Variants in TMEM131 observed in about 807,000 individuals in gnomAD.
TMEM131 encodes the protein 2610524E03Rik.
In TMEM131, 66 loss-of-function variants were observed where a neutral mutation model predicts 211.6. That is an observed-to-expected ratio of 0.31 (90% CI 0.26 to 0.38). The LOEUF is 0.38. Among genes scored for constraint, TMEM131 ranks in the 10% least tolerant of loss-of-function variants. The probability of loss-of-function intolerance (pLI) is 1.00; values close to 1 mark genes in which losing one functional copy is unlikely to be tolerated. For synonymous variants in TMEM131, 844 were observed against 841.3 expected (o/e 1.00, Z -0.06); for missense variants, 2,036 against 2,299.3 (o/e 0.89, Z 2.34).
At chr2:97,840,493 G>A (rs1683146761) in intron 7 of TMEM131, among the ~76,000 whole-genome samples, 1 of 152,224 alleles carries the variant, frequency 6.6e-6, no homozygotes, top group Non-Finnish European at 1.5e-5. Context: ...GGGAAGCTAA[G>A]GCAGGAGGAT....
chr2:97,958,244 T>C (rs1002165943), intron 1 of TMEM131, among the ~76,000 whole-genome samples: 2 of 152,184 alleles, frequency 1.3e-5, no homozygotes, highest in African/African-American at 2.4e-5. Context: ...TTGTGTGCTA[T>C]TTTTCCCATT....
chr2:97,938,810 G>C (rs2104481456), intron 1 of TMEM131, among the ~76,000 whole-genome samples: 1 of 152,312 alleles, frequency 6.6e-6, no homozygotes, highest in East Asian at 1.9e-4. Context: ...TAAAAGAATA[G>C]AAATTATAAC....
chr2:97,983,503 A>C (rs1204759703), intron 1 of TMEM131, among the ~76,000 whole-genome samples: 2 of 152,214 alleles, frequency 1.3e-5, no homozygotes, highest in African/African-American at 4.8e-5. Flanking sequence ...TGCTCAATTA[A>C]TTTAAAAACA....
At chr2:97,908,789 T>C in intron 2 of TMEM131, 91 bp from the exon 3 acceptor site, 1 of 1,116,492 alleles carries the variant, frequency 9.0e-7, no homozygotes, top group Non-Finnish European at 1.3e-6. Context: ...TATTTTAGTT[T>C]CAACATTCAT....
At chr2:97,879,500 A>C (rs1386738489) in intron 4 of TMEM131, among the ~76,000 whole-genome samples, 6 of 152,218 alleles carry the variant, frequency 3.9e-5, no homozygotes, top group Admixed American at 3.3e-4. Context: ...ATTACTATTA[A>C]TTTTCTCACA....
intron 4 of TMEM131, among the ~76,000 whole-genome samples, chr2:97,887,144 G>A (rs923706542): frequency 2.0e-5 from 3 of 152,220 alleles, no homozygotes; most frequent in Admixed American, 6.5e-5. Flanking sequence ...CTATGGGGCT[G>A]TTTCTCAGGT....
chr2:97,794,983 T>A lies in TMEM131; in HGVS notation c.3333A>T (p.Leu1111=), dbSNP rs1490934308. 6.2e-7 allele frequency: 1 copy of A among 1,611,404 alleles called. No individual in the cohort carries two copies. Among genetic ancestry groups the A allele is most frequent in the Non-Finnish European group, 8.5e-7 (1 of 1,178,492 alleles). ...YHMLATCAEA[L]PRPNWELALY... is the part of the protein sequence containing the mutation. ...GAGCCAGTTCCCAGTTAGGTCTGGGTAGGGCTTCTGCACAGGTTGCTAACA... is the reference window on the plus strand; with the variant it reads ...GAGCCAGTTCCCAGTTAGGTCTGGGAAGGGCTTCTGCACAGGTTGCTAACA... The change falls in exon 29 of 41, where the codon CTA becomes CTT. Residue 1111 remains leucine (L), a synonymous_variant. Coordinates refer to ENST00000186436, the MANE Select transcript of TMEM131 (RefSeq NM_015348.2).
At chr2:97,913,997 A>G (rs1205289351) in intron 2 of TMEM131, among the ~76,000 whole-genome samples, 1 of 152,186 alleles carries the variant, frequency 6.6e-6, no homozygotes, top group African/African-American at 2.4e-5. Flanking sequence ...GGGAAGGTAG[A>G]GGATGAGGTC....
chr2:97,859,475 G>T, intron 4 of TMEM131, 48 bp from the exon 5 acceptor site: 1 of 1,443,180 alleles, frequency 6.9e-7, no homozygotes, highest in South Asian at 1.5e-5. Flanking sequence ...AGATAATTCT[G>T]ATTATTTCTA....
intron 1 of TMEM131, among the ~76,000 whole-genome samples, chr2:97,994,144 G>A (rs1162251879): frequency 3.3e-5 from 5 of 152,174 alleles, no homozygotes; most frequent in African/African-American, 1.2e-4. Context: ...ACCCACTACA[G>A]GCCAAAATGC....
At chr2:97,894,055 A>G (rs1326544384) in intron 3 of TMEM131, among the ~76,000 whole-genome samples, 2 of 152,186 alleles carry the variant, frequency 1.3e-5, no homozygotes, top group African/African-American at 4.8e-5. Flanking sequence ...TAATTTTTGT[A>G]TAAGGTATAA....
intron 33 of TMEM131, among the ~76,000 whole-genome samples, chr2:97,770,060 A>G (rs1306658806): frequency 6.6e-6 from 1 of 152,224 alleles, no homozygotes; most frequent in African/African-American, 2.4e-5. Context: ...AAAGATGTGT[A>G]CCTGTCCTTC....
intron 38 of TMEM131, chr2:97,760,108 C>A: frequency 3.9e-6 from 1 of 257,310 alleles, no homozygotes; most frequent in South Asian, 6.1e-5. Flanking sequence ...AATTGGGGCT[C>A]TATTGTTGCT....
intron 11 of TMEM131, among the ~76,000 whole-genome samples, chr2:97,828,235 CTT>C (rs2105038514): frequency 6.6e-6 from 1 of 151,968 alleles, no homozygotes; most frequent in Non-Finnish European, 1.5e-5. Context: ...ACTGGAATAA[CTT>C]TAAAAAATAA....
At position 97,758,877 on chromosome 2, in the gene TMEM131, A is replaced by G; in HGVS notation, c.5367+16T>C. On this transcript the variant is annotated intron_variant, in intron 40 of 40. Transcript: ENST00000186436. Reference sequence around the variant, plus strand: ...TGGGCCAGGTCCAGGCCCCAGCCCCAGCCCCAAGTACTCACTGTGGCTGTG... The same window carrying G: ...TGGGCCAGGTCCAGGCCCCAGCCCCGGCCCCAAGTACTCACTGTGGCTGTG... The G allele has an allele frequency of 6.3e-7, 1 of 1,599,668 alleles. No homozygotes were observed. The highest frequency in any genetic ancestry group is 1.1e-5 in the South Asian group (1 of 89,634).
intron 38 of TMEM131, 153 bp downstream of exon 38, chr2:97,760,440 A>T: frequency 1.4e-6 from 1 of 724,610 alleles, no homozygotes; most frequent in South Asian, 1.8e-5. Flanking sequence ...CACCCAGCAG[A>T]CATGATTTCT....
At chr2:97,953,568 T>C (rs1463361061) in intron 1 of TMEM131, among the ~76,000 whole-genome samples, 2 of 152,104 alleles carry the variant, frequency 1.3e-5, no homozygotes, top group Admixed American at 6.6e-5. Context: ...AAATTACAGG[T>C]GGAGATTTCA....
intron 4 of TMEM131, among the ~76,000 whole-genome samples, chr2:97,864,241 G>A (rs552838970): frequency 1.1e-3 from 175 of 152,200 alleles, no homozygotes; most frequent in African/African-American, 3.9e-3. Flanking sequence ...GGATAGCAGC[G>A]GGGATGGGTA....
rs748868447 is a variant in TMEM131 at position 97,854,400 on chromosome 2, G to A, written c.483+4904C>T. 3.7e-4 allele frequency among the ~76,000 whole-genome samples: 57 copies of A among 152,224 alleles called. 1 individual carries two copies. The highest frequency in any genetic ancestry group is 6.0e-4 in the Non-Finnish European group (41 of 68,004). On this transcript the variant is annotated intron_variant, in intron 5 of 40. Transcript: ENST00000186436. ...CTGGCTTACTGCAGTGGTCTGGAACGGAACCCATAATATCTCCAAGGTATC... is the reference window on the plus strand; with the variant it reads ...CTGGCTTACTGCAGTGGTCTGGAACAGAACCCATAATATCTCCAAGGTATC...
Sources: allele counts gnomAD v4.1 joint callset (sites outside exome capture counted in the v4.1 genomes callset), GRCh38; gene constraint gnomAD v4.1.1; transcripts MANE v1.5; gene names NCBI Gene and HGNC (gene_info 2026-07-23, HGNC 2026-07-21).